Variants in SLC22A25 observed in about 807,000 individuals in gnomAD.
SLC22A25 encodes the protein MGI:2442751, MGI:2385316, MGI:3042283, MGI:3645714, MGI:3605624, MGI:2442750.
SLC22A25 carries 44 observed loss-of-function variants against 45.9 expected under a neutral mutation model. That is an observed-to-expected ratio of 0.96 (90% CI 0.75 to 1.23). The LOEUF (loss-of-function observed/expected upper bound fraction) is 1.23, where lower values mean the gene tolerates loss of function less well. Among genes scored for constraint, SLC22A25 ranks in the 50% most tolerant of loss-of-function variants. SLC22A25 has a pLI of 0.00. For missense variants in SLC22A25, 800 were observed against 666.4 expected, an observed-to-expected ratio of 1.20 and a Z score of -2.21; for synonymous variants, 283 against 238.6, an observed-to-expected ratio of 1.19 and a Z score of -1.72.
chr11:63,228,642 G>T, intron 4 of SLC22A25, 78 bp from the exon 5 acceptor site: 2 of 1,064,878 alleles, frequency 1.9e-6, no homozygotes, highest in African/African-American at 1.6e-5. Flanking sequence ...AAAATAGCCT[G>T]CAAGTTTCAT....
intron 7 of SLC22A25, among the ~76,000 whole-genome samples, chr11:63,201,265 G>C (rs1027225136): frequency 1.3e-5 from 2 of 152,066 alleles, no homozygotes; most frequent in African/African-American, 4.8e-5. Context: ...TTTACTACAG[G>C]GCTTCAGTGA....
intron 7 of SLC22A25, among the ~76,000 whole-genome samples, chr11:63,212,824 C>G (rs1164789007): frequency 1.3e-5 from 2 of 151,950 alleles, no homozygotes; most frequent in African/African-American, 4.8e-5. Flanking sequence ...AAAATTCTAC[C>G]ATTTTTGAGG....
At chr11:63,212,613 G>A (rs1157843293) in intron 7 of SLC22A25, among the ~76,000 whole-genome samples, 2 of 144,140 alleles carry the variant, frequency 1.4e-5, no homozygotes, top group South Asian at 2.3e-4. Context: ...TGGGAATTGA[G>A]CAATGAGAAC....
chr11:63,179,105 G>C (rs2088224503), intron 9 of SLC22A25, among the ~76,000 whole-genome samples: 2 of 151,890 alleles, frequency 1.3e-5, no homozygotes, highest in South Asian at 4.1e-4. Flanking sequence ...GGGATTACAG[G>C]GCCATGATGC....
At chr11:63,191,246 G>T (rs893551806) in intron 7 of SLC22A25, among the ~76,000 whole-genome samples, 3 of 152,188 alleles carry the variant, frequency 2.0e-5, no homozygotes, top group African/African-American at 7.2e-5. Context: ...CTTGGCAATG[G>T]TGGGTGCCCC....
intron 4 of SLC22A25, among the ~76,000 whole-genome samples, chr11:63,229,028 T>G (rs907032311): frequency 6.6e-6 from 1 of 152,240 alleles, no homozygotes; most frequent in East Asian, 1.9e-4. Flanking sequence ...TTGGTTTTAC[T>G]AAGGATAAAA....
Position 63,180,664 on chromosome 11 carries a change from C to T in SLC22A25, c.1066G>A (p.Val356Met), listed in dbSNP as rs773284948. The T allele has an allele frequency of 6.2e-7, 1 of 1,609,232 alleles. No homozygotes were observed. The highest frequency in any genetic ancestry group is 1.7e-5 in the Admixed American group (1 of 59,058). Residue 356 changes from valine (V) to methionine (M), a missense_variant, in exon 9 of 12, where the codon GTG becomes ATG. By Grantham distance (21) the Val-to-Met change is conservative (BLOSUM62 1). Coordinates refer to ENST00000306494, the MANE Select transcript of SLC22A25 (RefSeq NM_199352.6). ...CACACACTGCATGAAACTTACCTCA[C>T]AAAGGACAGGAAACAGATTCTTTTA... ...ICKRICFLSF[V>M]RFASTIPFWG... is the part of the protein sequence containing the mutation.
At chr11:63,205,061 A>G (rs917290588) in intron 7 of SLC22A25, among the ~76,000 whole-genome samples, 1 of 152,232 alleles carries the variant, frequency 6.6e-6, no homozygotes, top group Admixed American at 6.5e-5. Context: ...CTGAATGACT[A>G]TTGGGTAAAT....
intron 7 of SLC22A25, among the ~76,000 whole-genome samples, chr11:63,211,197 G>A (rs1005920733): frequency 9.2e-5 from 14 of 152,116 alleles, no homozygotes; most frequent in South Asian, 4.1e-4. Context: ...GTATGAGTCC[G>A]TCAATACCCA....
chr11:63,232,695 C>A (rs1488167187), intron 3 of SLC22A25, among the ~76,000 whole-genome samples: 3 of 152,138 alleles, frequency 2.0e-5, no homozygotes, highest in Non-Finnish European at 4.4e-5. Flanking sequence ...TGAGAGAGGG[C>A]ACCCCTGTAG....
At chr11:63,188,064 G>T (rs565720706) in intron 7 of SLC22A25, among the ~76,000 whole-genome samples, 2 of 152,220 alleles carry the variant, frequency 1.3e-5, no homozygotes, top group African/African-American at 4.8e-5. Context: ...CCTCATAAAA[G>T]GAGTTAGGGA....
chr11:63,172,412 A>G (rs895313014), intron 9 of SLC22A25, among the ~76,000 whole-genome samples: 1 of 152,184 alleles, frequency 6.6e-6, no homozygotes, highest in Non-Finnish European at 1.5e-5. Flanking sequence ...AAGTTCTAAT[A>G]TCTGGAATCT....
intron 7 of SLC22A25, among the ~76,000 whole-genome samples, chr11:63,193,708 A>C (rs942023477): frequency 6.6e-6 from 1 of 152,258 alleles, no homozygotes; most frequent in Non-Finnish European, 1.5e-5. Context: ...GATGGGGAGA[A>C]ACAAGAGCAG....
chr11:63,179,988 A>G (rs987737975), intron 9 of SLC22A25, among the ~76,000 whole-genome samples: 3 of 152,158 alleles, frequency 2.0e-5, no homozygotes, highest in Non-Finnish European at 4.4e-5. Flanking sequence ...GTCATAGGCC[A>G]GGGTGTCCTC....
chr11:63,183,773 G>T lies in SLC22A25; in HGVS notation c.875C>A (p.Pro292Gln), dbSNP rs759059906. The T allele has an allele frequency of 1.2e-6, 2 of 1,613,152 alleles. No homozygotes were observed. Among genetic ancestry groups the T allele is most frequent in the Non-Finnish European group, 8.5e-7 (1 of 1,179,390 alleles). Residue 292 changes from proline (P) to glutamine (Q), a missense_variant, in exon 8 of 12, where the codon CCA (proline) becomes CAA (glutamine). Transcript: ENST00000306494. ...TCTAAGTTCCTTTAAGCCCTCTTCT[G>T]GTTTGTTGTTGATAATGAGCCACCG... ...SARWLIINNKPEEGLKELRKA... is the reference protein window; with the variant it reads ...SARWLIINNKQEEGLKELRKA...
At chr11:63,168,774 C>T (rs1179366190) in intron 9 of SLC22A25, among the ~76,000 whole-genome samples, 1 of 152,104 alleles carries the variant, frequency 6.6e-6, no homozygotes, top group Admixed American at 6.5e-5. Context: ...CTTCCCCAAC[C>T]TAGCAAGACA....
rs181530646 is a variant in SLC22A25 at position 63,209,126 on chromosome 11, G to A, written c.830+8188C>T. Among the ~76,000 whole-genome samples the A allele has an allele frequency of 7.1e-4, 108 of 152,276 alleles. 1 individual carries two copies. Among genetic ancestry groups the A allele is most frequent in the Middle Eastern group, 6.8e-3 (2 of 294 alleles). ...ACAAAAGACAGGAAATTAATTGGCC[G>A]TGTGTTTAAGGTGGTCACTGGAGTT... On this transcript the variant is annotated intron_variant, in intron 7 of 11. Transcript: ENST00000306494.
chr11:63,168,661 A>T (rs543634284), intron 9 of SLC22A25, among the ~76,000 whole-genome samples: 6 of 152,296 alleles, frequency 3.9e-5, no homozygotes, highest in Admixed American at 2.0e-4. Context: ...GAAATATGGG[A>T]CTCTGTGAAA....
chr11:63,229,345 C>A lies in SLC22A25; in HGVS notation c.308G>T (p.Gly103Val). The A allele has an allele frequency of 6.2e-7, 1 of 1,613,766 alleles. No homozygotes were observed. Among genetic ancestry groups the A allele is most frequent in the Non-Finnish European group, 8.5e-7 (1 of 1,179,818 alleles). Residue 103 changes from glycine to valine, a missense_variant, in exon 4 of 12, where the codon GGG becomes GTG. Physicochemically the swap from Gly to Val is moderately radical, Grantham distance 109 (BLOSUM62 -3). Coordinates refer to ENST00000306494, the MANE Select transcript of SLC22A25 (RefSeq NM_199352.6). ...TGGCTCACTCGTGTTGGGGAAGGTCCCATTCAGATGAATGAGCTTCCACTG... is the reference window on the plus strand; with the variant it reads ...TGGCTCACTCGTGTTGGGGAAGGTCACATTCAGATGAATGAGCTTCCACTG... ...HPQWKLIHLN[G>V]TFPNTSEPDT... is the part of the protein sequence containing the mutation.
Sources: allele counts gnomAD v4.1 joint callset (sites outside exome capture counted in the v4.1 genomes callset), GRCh38; gene constraint gnomAD v4.1.1; transcripts MANE v1.5; gene names NCBI Gene and HGNC (gene_info 2026-07-23, HGNC 2026-07-21).